TENM1: variants seen among roughly 807,000 people sequenced by gnomAD.
The protein encoded by TENM1 is teneurin transmembrane protein 1, also known as teneurin-1.
In TENM1, 35 loss-of-function variants were observed where a neutral mutation model predicts 174.8. The ratio of observed to expected loss-of-function variants is 0.20; its 90% confidence interval spans 0.15 to 0.27. TENM1 has a LOEUF of 0.27. TENM1 is among the 10% of genes least tolerant of loss of function. The pLI is 1.00. For synonymous variants in TENM1, 781 were observed against 798.7 expected, an observed-to-expected ratio of 0.98 and a Z score of 0.37; for missense variants, 1,633 against 2,130.1, an observed-to-expected ratio of 0.77 and a Z score of 4.59.
chrX:124,818,576 G>A (rs967006089), intron 3 of TENM1, among the ~76,000 whole-genome samples: 2 of 111,320 alleles, frequency 1.8e-5, no homozygotes, highest in Non-Finnish European at 3.8e-5. Context: ...TATATGGCAG[G>A]ACATACACTC....
chrX:124,804,092 TGAGTATAAA>T (rs1238901983), intron 3 of TENM1, among the ~76,000 whole-genome samples: 1 of 112,036 alleles, frequency 8.9e-6, no homozygotes, highest in Non-Finnish European at 1.9e-5. Context: ...TGGCCCCAGC[TGAGTATAAA>T]GAGGCTGACA....
At chrX:124,738,521 T>C (rs1331584379) in intron 3 of TENM1, among the ~76,000 whole-genome samples, 1 of 111,846 alleles carries the variant, frequency 8.9e-6, no homozygotes, top group Non-Finnish European at 1.9e-5. Flanking sequence ...GTACAAAAGA[T>C]AGATAGAGAA....
intron 23 of TENM1, among the ~76,000 whole-genome samples, chrX:124,444,118 A>G (rs183761259): frequency 2.0e-4 from 22 of 112,032 alleles, no homozygotes; most frequent in African/African-American, 1.3e-4. Flanking sequence ...TGGTGCCACA[A>G]TTGCACCTAC....
the TENM1 span, among the ~76,000 whole-genome samples, chrX:125,084,552 ATTTTCAGTGCCT>A: frequency 3.6e-5 from 4 of 110,638 alleles, no homozygotes; most frequent in Admixed American, 2.9e-4. Context: ...AATAGCTACC[ATTTTCAGTGCCT>A]ACTATATCCC....
intron 1 of TENM1, among the ~76,000 whole-genome samples, chrX:124,962,785 T>G (rs1271128250): frequency 1.8e-5 from 2 of 110,554 alleles, no homozygotes; most frequent in Admixed American, 9.7e-5. Flanking sequence ...GCCACTGCAC[T>G]CCAGACTGGG....
At chrX:124,960,755 C>G (rs1346788776) in intron 1 of TENM1, among the ~76,000 whole-genome samples, 5 of 111,931 alleles carry the variant, frequency 4.5e-5, no homozygotes, top group Non-Finnish European at 5.6e-5. Flanking sequence ...AAACCCACAA[C>G]CCATAAATCA....
chrX:124,415,546 C>T (rs1365508348), intron 25 of TENM1, among the ~76,000 whole-genome samples: 2 of 111,689 alleles, frequency 1.8e-5, no homozygotes, highest in African/African-American at 3.3e-5. Flanking sequence ...GTTATCCTGA[C>T]TCTGGATAAG....
At position 124,932,376 on chromosome X, in the gene TENM1, C is replaced by T. The variant is rs755237894; in HGVS notation, c.217+31161G>A. Among the ~76,000 whole-genome samples the T allele has an allele frequency of 7.1e-5, 8 of 112,185 alleles. No individual in the cohort carries two copies. The South Asian group carries it at 3.0e-3, about 42-fold the overall frequency. On this transcript the variant is annotated intron_variant, in intron 1 of 31. Transcript: ENST00000422452. ...TATTTTTGAGTACCTACTAGGAACT[C>T]TATGTTAGGTATTGCAAGGAATTCA...
chrX:125,080,049 G>A, the TENM1 span, among the ~76,000 whole-genome samples: 1 of 109,144 alleles, frequency 9.2e-6, no homozygotes, highest in Admixed American at 9.8e-5. Context: ...GTGTCCTCCA[G>A]ATACGTTTCC....
At chrX:124,735,728 A>G (rs2053655356) in intron 4 of TENM1, among the ~76,000 whole-genome samples, 1 of 112,074 alleles carries the variant, frequency 8.9e-6, no homozygotes. Context: ...AATGTGGTAT[A>G]TATACACCAT....
At chrX:124,754,096 C>T (rs1324489537) in intron 3 of TENM1, among the ~76,000 whole-genome samples, 2 of 111,142 alleles carry the variant, frequency 1.8e-5, no homozygotes, top group East Asian at 2.8e-4. Flanking sequence ...TGGTAGAATT[C>T]GGCTGTGAAT....
the TENM1 span, among the ~76,000 whole-genome samples, chrX:124,981,424 C>G: frequency 4.5e-5 from 5 of 111,782 alleles, no homozygotes; most frequent in South Asian, 1.5e-3. Flanking sequence ...ACCCGAGAGC[C>G]ATGTGCAGGA....
chrX:124,899,634 T>C (rs1426673632), intron 1 of TENM1, among the ~76,000 whole-genome samples: 1 of 112,084 alleles, frequency 8.9e-6, no homozygotes, highest in Non-Finnish European at 1.9e-5. Context: ...TCTGAGTATA[T>C]AACCAGTAAT....
chrX:124,471,250 A>C (rs6649238), intron 22 of TENM1, among the ~76,000 whole-genome samples: 1,216 of 43,091 alleles, frequency 0.028, 31 homozygotes, highest in African/African-American at 0.039. Flanking sequence ...ATATATAATA[A>C]TATATATTAT....
intron 3 of TENM1, among the ~76,000 whole-genome samples, chrX:124,839,255 T>C (rs2056451224): frequency 8.9e-6 from 1 of 111,885 alleles, no homozygotes. Context: ...TATGGGTACT[T>C]ACATATATAG....
At chrX:124,917,623 G>T (rs192720056) in intron 1 of TENM1, among the ~76,000 whole-genome samples, 1 of 112,056 alleles carries the variant, frequency 8.9e-6, no homozygotes, top group Admixed American at 9.5e-5. Flanking sequence ...GAATTGAGTT[G>T]TGATAAATTC....
At chrX:124,644,785 C>T (rs758222123) in intron 10 of TENM1, among the ~76,000 whole-genome samples, 2 of 111,327 alleles carry the variant, frequency 1.8e-5, no homozygotes, top group Non-Finnish European at 3.8e-5. Flanking sequence ...TTATTATGTG[C>T]TTTAAAGTGA....
chrX:124,575,970 C>A (rs1192449569), intron 11 of TENM1, among the ~76,000 whole-genome samples: 2 of 112,073 alleles, frequency 1.8e-5, no homozygotes, highest in Non-Finnish European at 3.8e-5. Flanking sequence ...TCCTCAAATG[C>A]CAAAGAATGT....
intron 3 of TENM1, among the ~76,000 whole-genome samples, chrX:124,783,599 A>T (rs766428751): frequency 2.7e-5 from 3 of 112,008 alleles, no homozygotes; most frequent in Middle Eastern, 4.6e-3. Context: ...ACTAGACAAA[A>T]TTCAATAAAA....
Sources: gnomAD v4.1 joint callset for allele counts (sites outside exome capture counted in the v4.1 genomes callset) on GRCh38, gnomAD v4.1.1 for gene constraint, MANE v1.5 for transcripts, NCBI Gene and HGNC (gene_info 2026-07-23, HGNC 2026-07-21) for gene names.